The following CNTNAP1 variants were observed in gnomAD, a reference collection of about 807,000 sequenced individuals.
CNTNAP1 encodes the protein contactin associated protein 1.
Under a neutral mutation model 161.5 loss-of-function variants are expected in CNTNAP1, and 80 were observed. The observed-to-expected ratio is 0.50, with a 90% CI of 0.41 to 0.60. CNTNAP1 has a LOEUF of 0.60. CNTNAP1 is among the 20% of genes least tolerant of loss of function. The pLI is 0.00. For synonymous variants in CNTNAP1, 695 were observed against 733.1 expected, an observed-to-expected ratio of 0.95 and a Z score of 0.84; for missense variants, 1,464 against 1,854.8, an observed-to-expected ratio of 0.79 and a Z score of 3.87.
intron 11 of CNTNAP1, 148 bp downstream of exon 11, chr17:42,689,775 C>G (rs930808421): frequency 1.5e-6 from 1 of 685,482 alleles, no homozygotes; most frequent in Admixed American, 2.3e-5. Flanking sequence ...GAGTCTTGCT[C>G]TGTTGCCCAG....
In CNTNAP1 at chr17:42,685,864, G is replaced by A. The variant is rs780936569; in HGVS notation, c.716-93G>A. The A allele has an allele frequency of 1.9e-5, 26 of 1,366,946 alleles. No individual in the cohort carries two copies. Among genetic ancestry groups the A allele is most frequent in the Non-Finnish European group, 2.2e-5 (22 of 987,086 alleles). 84.7% of individuals were successfully genotyped at this position (1,366,946 alleles called of 1,614,324 possible). ...TTCGCCCACTCTCCCTGATTGCCCT[G>A]GGCTTTGTTACACGCTGCTGCTCTG... On this transcript the variant is annotated intron_variant, in intron 5 of 23. Coordinates refer to ENST00000264638, the MANE Select transcript of CNTNAP1 (RefSeq NM_003632.3). The surrounding 1 kb of genome is among the most constrained non-coding windows in gnomAD (Gnocchi z 5.0).
At chr17:42,690,033 C>T (rs1193882486) in intron 11 of CNTNAP1, 55 bp from the exon 12 acceptor site, 55 of 1,605,668 alleles carry the variant, frequency 3.4e-5, no homozygotes, top group Non-Finnish European at 2.8e-5. Flanking sequence ...AGCCGCCGCA[C>T]CTGGCCAGCC....
chr17:42,683,975 G>A, intron 2 of CNTNAP1, 53 bp downstream of exon 2: 3 of 1,613,066 alleles, frequency 1.9e-6, no homozygotes, highest in Non-Finnish European at 2.5e-6. Context: ...CGGAAGGGTG[G>A]GGGCCTCCGG....
intron 10 of CNTNAP1, among the ~76,000 whole-genome samples, 163 bp downstream of exon 10, chr17:42,689,210 C>G (rs561056634): frequency 1.4e-4 from 22 of 152,124 alleles, no homozygotes; most frequent in African/African-American, 5.3e-4. Context: ...TATTTCTTCC[C>G]TTAAGGTGAT....
At position 42,693,487 on chromosome 17, in the gene CNTNAP1, C is replaced by T. The variant is rs890781345; in HGVS notation, c.2943C>T (p.Tyr981=). The change falls in exon 18 of 24, where the codon TAC becomes TAT. Residue 981 remains tyrosine, a synonymous_variant. Coordinates refer to ENST00000264638, the MANE Select transcript of CNTNAP1 (RefSeq NM_003632.3). ...GCTGCGTGGAGCGCTATAGCTACTA[C>T]ACGTGTGACTGTGACCTCACGGCTT... ...GGRCVERYSY[Y]TCDCDLTAFD... is the part of the protein sequence containing the mutation. The T allele has an allele frequency of 1.2e-6, 2 of 1,614,120 alleles. No homozygotes were observed. Among genetic ancestry groups the T allele is most frequent in the Non-Finnish European group, 1.7e-6 (2 of 1,180,054 alleles).
rs1235083139 is a variant in CNTNAP1 at position 42,691,483 on chromosome 17, C to T, written c.2316C>T (p.Phe772=). ...GCTCCACTTCTGAGGCCCAGTTCTT[C>T]CTGAGGCCTCTGCGCTGCTATGGCG... The part of the protein sequence containing the change: ...TNRSTSEAQF[F]LRPLRCYGDR... Residue 772 remains phenylalanine, a synonymous_variant, in exon 15 of 24, where the codon TTC becomes TTT. Transcript: ENST00000264638. The surrounding 1 kb of genome is among the most constrained non-coding windows in gnomAD (Gnocchi z 4.3). 6.2e-7 allele frequency: 1 copy of T among 1,614,080 alleles called. No individual in the cohort carries two copies. The highest frequency in any genetic ancestry group is 8.5e-7 in the Non-Finnish European group (1 of 1,180,006).
chr17:42,698,842 C>G lies in CNTNAP1; in HGVS notation c.4087C>G (p.Pro1363Ala). The part of the protein sequence containing the change: ...PASAPAPAPT[P>A]APAPGPRDQN... ...CTCAGCCCCAGCCCCAGCCCCAACTCCAGCCCCAGCCCCTGGCCCCCGGGA... is the reference window on the plus strand; with the variant it reads ...CTCAGCCCCAGCCCCAGCCCCAACTGCAGCCCCAGCCCCTGGCCCCCGGGA... Residue 1363 changes from proline to alanine, a missense_variant, in exon 24 of 24, where the codon CCA (proline) becomes GCA (alanine). Pro to Ala is a conservative substitution (Grantham distance 27). Around this residue, in one of 3 missense-constraint regions of CNTNAP1, gnomAD observed 1,383 missense variants for 1,765.0 expected, o/e 0.78. Transcript: ENST00000264638. The G allele has an allele frequency of 6.3e-7, 1 of 1,594,156 alleles. No individual in the cohort carries two copies. The highest frequency in any genetic ancestry group is 8.5e-7 in the Non-Finnish European group (1 of 1,175,294).
intron 19 of CNTNAP1, 62 bp downstream of exon 19, chr17:42,695,936 A>G (rs1213690174): frequency 1.9e-6 from 3 of 1,595,968 alleles, no homozygotes; most frequent in African/African-American, 2.7e-5. Context: ...TAATTCTCCT[A>G]TTGATTCACA....
At chr17:42,684,903 C>A in intron 3 of CNTNAP1, 88 bp from the exon 4 acceptor site, 4 of 1,443,834 alleles carry the variant, frequency 2.8e-6, no homozygotes, top group Non-Finnish European at 3.7e-6. Context: ...CCAGCCTGGG[C>A]GACAGAGCGA....
intron 8 of CNTNAP1, 121 bp from the exon 9 acceptor site, chr17:42,688,341 A>C: frequency 7.5e-7 from 1 of 1,327,708 alleles, no homozygotes; most frequent in South Asian, 1.3e-5. Flanking sequence ...TGAGAAGTGT[A>C]ATCACGGGGG....
chr17:42,684,114 G>A lies in CNTNAP1; in HGVS notation c.248G>A (p.Arg83Gln), dbSNP rs530020899. 5 of 1,614,220 alleles carry A rather than the reference G, an allele frequency of 3.1e-6. No homozygotes were observed. Among genetic ancestry groups the A allele is most frequent in the Admixed American group, 1.7e-5 (1 of 60,032 alleles). The change falls in exon 3 of 24, where the codon CGG (arginine) becomes CAG (glutamine). Residue 83 changes from arginine (R) to glutamine (Q), a missense_variant. Arg to Gln is a conservative substitution (Grantham distance 43). Transcript: ENST00000264638. ...GACTTAATGAAGAAGCACCGGATCC[G>A]GGCCGTGGCCACACAGGGCTCCTTT... is the stretch of plus-strand genomic sequence containing the variant. ...QIDLMKKHRI[R>Q]AVATQGSFNS...
chr17:42,697,235 G>A (rs764410913), intron 20 of CNTNAP1, 39 bp from the exon 21 acceptor site: 73 of 1,426,596 alleles, frequency 5.1e-5, no homozygotes, highest in Non-Finnish European at 7.1e-5. Context: ...TCTGGTCCCC[G>A]CTCCCTCATC....
chr17:42,684,971 A>G lies in CNTNAP1; in HGVS notation c.364-20A>G, dbSNP rs1395220550. ...AAGCAGAGGGCAGGACGTGGTTACT[A>G]CTCTCCTCCACCCCCGCAGACCTTC... On this transcript the variant is annotated intron_variant, in intron 3 of 23. Coordinates refer to ENST00000264638, the MANE Select transcript of CNTNAP1 (RefSeq NM_003632.3). 2.5e-6 allele frequency: 4 copies of G among 1,606,756 alleles called. No homozygotes were observed. Among genetic ancestry groups the G allele is most frequent in the Non-Finnish European group, 3.4e-6 (4 of 1,178,490 alleles).
At chr17:42,693,580 A>G (rs2053119409) in intron 18 of CNTNAP1, 44 bp downstream of exon 18, 2 of 1,597,650 alleles carry the variant, frequency 1.3e-6, no homozygotes, top group Non-Finnish European at 1.7e-6. Context: ...CATAGGGTGT[A>G]ATGGGATGTA....
chr17:42,686,266 T>C, intron 6 of CNTNAP1, 125 bp downstream of exon 6: 1 of 964,612 alleles, frequency 1.0e-6, no homozygotes, highest in Middle Eastern at 2.7e-4. Flanking sequence ...AGGCTGTGGG[T>C]GGTGGCTCAT....
rs36083265 is a variant in CNTNAP1 at position 42,696,324 on chromosome 17, AT to A, written c.3474+188del. Among the ~76,000 whole-genome samples the A allele has an allele frequency of 0.93, 118,533 of 127,652 alleles. 54,885 individuals are homozygous for A. The highest frequency in any genetic ancestry group is 0.97 in the Middle Eastern group (240 of 248). 83.7% of individuals were successfully genotyped at this position (127,652 alleles called of 152,430 possible). A position where few individuals can be genotyped will look rare whatever the true frequency, so the allele number is the denominator to read the frequency against. ...CAATAGCTCCAAGGGGACAATAGGC[AT>A]TTTTTTTTTTTTTTTGAGATGGAAT... is the stretch of plus-strand genomic sequence containing the variant. On this transcript the variant is annotated intron_variant, in intron 20 of 23. Transcript: ENST00000264638.
At position 42,688,861 on chromosome 17, in the gene CNTNAP1, G is replaced by A. The variant is rs767491688; in HGVS notation, c.1457-15G>A. ...GTCTCCCCTGGGGAGGATCTCACAG[G>A]GGTGGTTGCTCCAGGTTGTCCCAAG... On this transcript the variant is annotated splice_polypyrimidine_tract_variant and intron_variant, in intron 9 of 23. Transcript: ENST00000264638. The A allele has an allele frequency of 1.2e-6, 2 of 1,613,708 alleles. No homozygotes were observed. Among genetic ancestry groups the A allele is most frequent in the South Asian group, 1.1e-5 (1 of 91,050 alleles).
chr17:42,686,767 C>T, intron 6 of CNTNAP1, 136 bp from the exon 7 acceptor site: 3 of 1,068,276 alleles, frequency 2.8e-6, no homozygotes, highest in East Asian at 2.5e-5. Context: ...GCTTTAGTAC[C>T]GACACTGGGG....
At position 42,690,837 on chromosome 17, in the gene CNTNAP1, T is replaced by C. The variant is rs769294024; in HGVS notation, c.1954T>C (p.Trp652Arg). The change falls in exon 13 of 24, where the codon TGG (tryptophan) becomes CGG (arginine). Residue 652 changes from tryptophan (W) to arginine (R), a missense_variant. Trp to Arg is a moderately radical substitution (Grantham distance 101). Coordinates refer to ENST00000264638, the MANE Select transcript of CNTNAP1 (RefSeq NM_003632.3). ...GCCATTCCTGGGGGCTATCCAGTAC[T>C]GGAATGCATCCTGGGAGGAAGTCAG... ...ERPFLGAIQY[W>R]NASWEEVSAL... 5.0e-6 allele frequency: 8 copies of C among 1,614,256 alleles called. No homozygotes were observed. The highest frequency in any genetic ancestry group is 3.3e-5 in the Admixed American group (2 of 60,030).
Sources: gnomAD v4.1 joint callset for allele counts (sites outside exome capture counted in the v4.1 genomes callset) on GRCh38, gnomAD v4.1.1 for gene constraint, gnomAD v4.1.1 regional missense constraint, Gnocchi (gnomAD v3.1) non-coding constraint, MANE v1.5 for transcripts, NCBI Gene and HGNC (gene_info 2026-07-23, HGNC 2026-07-21) for gene names.